Variants in PRICKLE1 observed in about 807,000 individuals in gnomAD.
PRICKLE1 encodes prickle planar cell polarity protein 1.
Under a neutral mutation model 70.2 loss-of-function variants are expected in PRICKLE1, and 14 were observed. The ratio of observed to expected loss-of-function variants is 0.20; its 90% confidence interval spans 0.13 to 0.31. PRICKLE1 has a LOEUF of 0.31. Ranked by LOEUF, PRICKLE1 falls within the 10% of genes least tolerant of loss-of-function variation. PRICKLE1 has a pLI of 1.00. For synonymous variants in PRICKLE1, 357 were observed against 379.9 expected (o/e 0.94, Z 0.70); for missense variants, 821 against 1,026.2 (o/e 0.80, Z 2.73).
intron 1 of PRICKLE1, among the ~76,000 whole-genome samples, chr12:42,477,941 G>A (rs2140142247): frequency 6.8e-6 from 1 of 147,664 alleles, no homozygotes; most frequent in East Asian, 2.0e-4. Flanking sequence ...AACTAACAGT[G>A]GCCCTGCCCT....
rs143815665 is a variant in PRICKLE1, at chr12:42,499,232, G to C, written c.-48-26668C>G. Among the ~76,000 whole-genome samples the C allele has an allele frequency of 2.9e-3, 442 of 152,214 alleles. 4 individuals carry two copies. Among genetic ancestry groups the C allele is most frequent in the African/African-American group, 9.4e-3 (389 of 41,534 alleles). ...CCCATTTTACAAAGGAGAAAAGTAA[G>C]ATAAATTGTATAAAGTTATCAGGTA... On this transcript the variant is annotated intron_variant, in intron 1 of 7. Coordinates refer to ENST00000345127, the MANE Select transcript of PRICKLE1 (RefSeq NM_153026.3).
chr12:42,527,429 G>A (rs1279092004), intron 1 of PRICKLE1, among the ~76,000 whole-genome samples: 5 of 152,158 alleles, frequency 3.3e-5, no homozygotes, highest in South Asian at 2.1e-4. Context: ...TACCATCCCC[G>A]CCCAGCCTAA....
intron 1 of PRICKLE1, among the ~76,000 whole-genome samples, chr12:42,474,267 G>A (rs1424514538): frequency 3.9e-5 from 6 of 152,032 alleles, no homozygotes; most frequent in East Asian, 3.9e-4. Context: ...GCGAGACTCC[G>A]TCTCGAAAAA....
chr12:42,477,466 G>GTT (rs1938599482), intron 1 of PRICKLE1, among the ~76,000 whole-genome samples: 1 of 17,848 alleles, frequency 5.6e-5, no homozygotes, highest in African/African-American at 1.1e-4. Context: ...ACGTATATAT[G>GTT]TGTGTGTGTG....
rs1432784668 is a variant in PRICKLE1 at position 42,527,927 on chromosome 12, A to C, written c.-48-55363T>G. 9.2e-3 allele frequency among the ~76,000 whole-genome samples: 62 copies of C among 6,748 alleles called. 7 individuals carry two copies. Among genetic ancestry groups the C allele is most frequent in the East Asian group, 0.064 (11 of 172 alleles). The allele number at this position is 6,748 out of a possible 152,430, so 4.4% of individuals were successfully genotyped here. Reference sequence around the variant, plus strand: ...TATATACTCTTTATAATATATATATATATATATATATATATATATATATAT... The same window carrying C: ...TATATACTCTTTATAATATATATATCTATATATATATATATATATATATAT... On this transcript the variant is annotated intron_variant, in intron 1 of 7. Coordinates refer to ENST00000345127, the MANE Select transcript of PRICKLE1 (RefSeq NM_153026.3).
chr12:42,478,402 G>C (rs1669922), intron 1 of PRICKLE1, among the ~76,000 whole-genome samples: 1 of 152,086 alleles, frequency 6.6e-6, no homozygotes, highest in South Asian at 2.1e-4. Flanking sequence ...GAAGGAGAAA[G>C]AAAAGCAAAA....
At chr12:42,544,076 G>A (rs1287495838) in intron 1 of PRICKLE1, among the ~76,000 whole-genome samples, 1 of 149,602 alleles carries the variant, frequency 6.7e-6, no homozygotes, top group Non-Finnish European at 1.5e-5. Flanking sequence ...AGAGAAGAAG[G>A]GGCTGGCCTT....
chr12:42,466,042 G>T, intron 6 of PRICKLE1, 152 bp downstream of exon 6: 1 of 822,126 alleles, frequency 1.2e-6, no homozygotes, highest in Non-Finnish European at 2.0e-6. Context: ...ATTTGTCAAA[G>T]CTCATCAGCT....
intron 1 of PRICKLE1, among the ~76,000 whole-genome samples, chr12:42,540,664 G>C (rs950916026): frequency 3.3e-5 from 5 of 152,094 alleles, no homozygotes; most frequent in Non-Finnish European, 2.9e-5. Flanking sequence ...CCGGGTTCAA[G>C]CGATTCTCCT....
intron 1 of PRICKLE1, among the ~76,000 whole-genome samples, chr12:42,491,612 T>G (rs946859180): frequency 1.3e-5 from 2 of 151,916 alleles, no homozygotes; most frequent in African/African-American, 4.8e-5. Context: ...ATAAAAGAAG[T>G]AGGCACATGA....
At chr12:42,514,940 T>TCTA (rs1240328108) in intron 1 of PRICKLE1, among the ~76,000 whole-genome samples, 2 of 149,304 alleles carry the variant, frequency 1.3e-5, no homozygotes, top group South Asian at 2.1e-4. Flanking sequence ...TATCTATCTA[T>TCTA]ATTTTTTGAG....
intron 1 of PRICKLE1, among the ~76,000 whole-genome samples, chr12:42,518,112 T>G (rs1390009746): frequency 1.3e-5 from 2 of 152,022 alleles, no homozygotes; most frequent in African/African-American, 4.8e-5. Flanking sequence ...GATTTTTTTT[T>G]TTTTTGAAAC....
chr12:42,560,911 T>C (rs139822725), intron 1 of PRICKLE1, among the ~76,000 whole-genome samples: 1 of 152,152 alleles, frequency 6.6e-6, no homozygotes, highest in Admixed American at 6.6e-5. Context: ...TAGAGTCCTA[T>C]CCTCAAAAAG....
intron 6 of PRICKLE1, 105 bp from the exon 7 acceptor site, chr12:42,465,363 G>A: frequency 9.3e-7 from 1 of 1,069,568 alleles, no homozygotes; most frequent in Non-Finnish European, 1.4e-6. Flanking sequence ...GTATGGGGGA[G>A]CTGTGTGGGT....
intron 1 of PRICKLE1, among the ~76,000 whole-genome samples, chr12:42,479,120 A>G (rs1034826969): frequency 1.3e-5 from 2 of 152,380 alleles, no homozygotes; most frequent in Non-Finnish European, 2.9e-5. Flanking sequence ...TTTCACGACC[A>G]TAAAGAATTA....
chr12:42,571,057 G>A (rs1940703697), intron 1 of PRICKLE1, among the ~76,000 whole-genome samples: 1 of 152,008 alleles, frequency 6.6e-6, no homozygotes, highest in Non-Finnish European at 1.5e-5. Flanking sequence ...TGACCCAAAG[G>A]TTGTCTTAAC....
In PRICKLE1 at chr12:42,460,212, T is replaced by C. The variant is rs1255209046; in HGVS notation, c.2093A>G (p.Lys698Arg). ...NLVTERKYSP[K>R]DRLRLYTPDN... The stretch of plus-strand genomic sequence containing the variant: ...GGGGGTGTACAGCCGCAGTCTGTCC[T>C]TGGGAGAGTATTTTCTTTCTGTAAC... Residue 698 changes from lysine (K) to arginine (R), a missense_variant, in exon 8 of 8, where the codon AAG becomes AGG. Transcript: ENST00000345127. The C allele has an allele frequency of 6.2e-7, 1 of 1,614,150 alleles. No individual in the cohort carries two copies. The highest frequency in any genetic ancestry group is 8.5e-7 in the Non-Finnish European group (1 of 1,180,028).
intron 1 of PRICKLE1, among the ~76,000 whole-genome samples, chr12:42,572,469 A>AAATAAATTAATT (rs1453742952): frequency 6.8e-6 from 1 of 146,598 alleles, no homozygotes; most frequent in Admixed American, 6.7e-5. Context: ...ATAAATAAAT[A>AAATAAATTAATT]AATTAAAAAT....
intron 1 of PRICKLE1, among the ~76,000 whole-genome samples, chr12:42,561,895 T>C (rs1310966104): frequency 6.9e-6 from 1 of 145,970 alleles, no homozygotes; most frequent in African/African-American, 2.5e-5. Flanking sequence ...ACTAATTTTC[T>C]TTTTCTTTTC....
Sources: gnomAD v4.1 joint callset for allele counts (sites outside exome capture counted in the v4.1 genomes callset) on GRCh38, gnomAD v4.1.1 for gene constraint, MANE v1.5 for transcripts, NCBI Gene and HGNC (gene_info 2026-07-23, HGNC 2026-07-21) for gene names.